Variants in PPP1R1C observed in about 807,000 individuals in gnomAD.
PPP1R1C encodes protein phosphatase 1 regulatory subunit 1C.
PPP1R1C carries 15 observed loss-of-function variants against 17.4 expected under a neutral mutation model. The ratio of observed to expected loss-of-function variants is 0.86; its 90% CI spans 0.58 to 1.33. The LOEUF (loss-of-function observed/expected upper bound fraction) is 1.33. PPP1R1C is among the 40% of genes most tolerant of loss of function. The pLI is 0.00. For synonymous variants in PPP1R1C, 35 were observed against 43.1 expected, an observed-to-expected ratio of 0.81 and a Z score of 0.73; for missense variants, 143 against 130.0, an observed-to-expected ratio of 1.10 and a Z score of -0.48.
chr2:182,021,860 C>A (rs1033351583), intron 2 of PPP1R1C, among the ~76,000 whole-genome samples: 1 of 152,114 alleles, frequency 6.6e-6, no homozygotes, highest in Non-Finnish European at 1.5e-5. Context: ...AAGAAATGAA[C>A]GAACACTTTA....
intron 2 of PPP1R1C, among the ~76,000 whole-genome samples, chr2:182,030,213 C>T (rs1156657267): frequency 2.0e-5 from 3 of 152,114 alleles, no homozygotes; most frequent in Non-Finnish European, 4.4e-5. Flanking sequence ...TCTCTCAGCT[C>T]GTCAAAGTCA....
At chr2:182,107,552 T>C (rs907819767) in intron 4 of PPP1R1C, among the ~76,000 whole-genome samples, 2 of 152,200 alleles carry the variant, frequency 1.3e-5, no homozygotes, top group African/African-American at 4.8e-5. Flanking sequence ...AGACCTAGTG[T>C]TGGCCTACTC....
intron 4 of PPP1R1C, among the ~76,000 whole-genome samples, chr2:182,108,802 C>A (rs1035098705): frequency 3.3e-5 from 5 of 152,138 alleles, no homozygotes; most frequent in African/African-American, 1.2e-4. Flanking sequence ...CAAGGTTTTG[C>A]AGTTATTAAT....
At chr2:182,096,380 G>C (rs1312331903) in intron 4 of PPP1R1C, among the ~76,000 whole-genome samples, 1 of 152,126 alleles carries the variant, frequency 6.6e-6, no homozygotes, top group African/African-American at 2.4e-5. Context: ...AAGACAGAGT[G>C]ACCTTGCTTC....
At chr2:182,115,842 G>T (rs16822619) in intron 4 of PPP1R1C, among the ~76,000 whole-genome samples, 2 of 152,094 alleles carry the variant, frequency 1.3e-5, no homozygotes, top group African/African-American at 4.8e-5. Context: ...CATTTCTTGA[G>T]ACTCTTTGTT....
chr2:182,046,564 C>CA (rs146696724), intron 2 of PPP1R1C, among the ~76,000 whole-genome samples: 3,422 of 119,060 alleles, frequency 0.029, 54 homozygotes, highest in South Asian at 0.094. Flanking sequence ...CGTCTCTACT[C>CA]AAAAAAAAAA....
intron 4 of PPP1R1C, among the ~76,000 whole-genome samples, chr2:182,098,987 A>G (rs1392200232): frequency 2.0e-5 from 3 of 152,182 alleles, no homozygotes; most frequent in Non-Finnish European, 2.9e-5. Context: ...AATATTGTTA[A>G]AATGTTTACT....
intron 4 of PPP1R1C, among the ~76,000 whole-genome samples, chr2:182,087,258 C>G (rs1301495130): frequency 6.6e-6 from 1 of 152,206 alleles, no homozygotes; most frequent in African/African-American, 2.4e-5. Context: ...CTCGTAATGC[C>G]TGCAAGGCCC....
intron 1 of PPP1R1C, among the ~76,000 whole-genome samples, chr2:181,971,935 C>A (rs1685015323): frequency 6.6e-6 from 1 of 152,170 alleles, no homozygotes. Flanking sequence ...ATGGCCACTG[C>A]TGGGGGATGG....
intron 2 of PPP1R1C, among the ~76,000 whole-genome samples, chr2:182,011,112 T>C (rs1192383966): frequency 1.3e-5 from 2 of 152,108 alleles, no homozygotes; most frequent in Non-Finnish European, 2.9e-5. Flanking sequence ...CTGGTTTTGG[T>C]ATCATGGTCC....
chr2:182,048,375 GGA>G (rs1218544325), intron 2 of PPP1R1C, among the ~76,000 whole-genome samples: 2 of 152,208 alleles, frequency 1.3e-5, no homozygotes, highest in African/African-American at 2.4e-5. Context: ...TTTGGAAAGG[GGA>G]GAGTTTGATA....
rs1242714698 is a variant in PPP1R1C, at chr2:182,054,858, A to G, written c.143-6584A>G. Among the ~76,000 whole-genome samples, 5 of 151,792 alleles carry G rather than the reference A, an allele frequency of 3.3e-5. No individual in the cohort carries two copies. In the South Asian group the frequency reaches 6.2e-4, roughly 19 times the overall value. On this transcript the variant is annotated intron_variant, in intron 2 of 4. Transcript: ENST00000682840. ...ATATTTTTAGTAGAGACAGGGTTTCACCATGTTGGCTAGGCTGGTCTCGAA... is the reference window on the plus strand; with the variant it reads ...ATATTTTTAGTAGAGACAGGGTTTCGCCATGTTGGCTAGGCTGGTCTCGAA...
At chr2:182,095,984 CA>C (rs1337771663) in intron 4 of PPP1R1C, among the ~76,000 whole-genome samples, 2 of 124,580 alleles carry the variant, frequency 1.6e-5, no homozygotes, top group African/African-American at 6.6e-5. Context: ...CAGACACACA[CA>C]AAAAAACTCT....
At chr2:182,043,342 A>G (rs1252873341) in intron 2 of PPP1R1C, among the ~76,000 whole-genome samples, 6 of 152,200 alleles carry the variant, frequency 3.9e-5, no homozygotes, top group African/African-American at 1.2e-4. Flanking sequence ...GGTCTGAAAT[A>G]TGGTTATTAT....
intron 5 of PPP1R1C, among the ~76,000 whole-genome samples, chr2:182,124,854 G>A (rs1010998716): frequency 6.6e-6 from 1 of 152,106 alleles, no homozygotes; most frequent in African/African-American, 2.4e-5. Flanking sequence ...GAGATAATTT[G>A]ACTTCCCCTC....
chr2:181,982,796 T>C (rs1442131957), upstream of PPP1R1C, among the ~76,000 whole-genome samples: 1 of 152,168 alleles, frequency 6.6e-6, no homozygotes, highest in Non-Finnish European at 1.5e-5. Flanking sequence ...GATATTATAG[T>C]GTAAAATCAG....
In PPP1R1C at chr2:181,976,228, G is replaced by A. The variant is rs575778757; in HGVS notation, n.157+964G>A. 6.6e-6 allele frequency among the ~76,000 whole-genome samples: 1 copy of A among 151,948 alleles called. No individual in the cohort carries two copies. The highest frequency in any genetic ancestry group is 2.1e-4 in the South Asian group (1 of 4,800). ...GTAAGCGTGTATGTATATGTCAGTA[G>A]GTGTTTAATGCATGAGTACATGCAT... On this transcript the variant is annotated intron_variant and non_coding_transcript_variant, in intron 2 of 5. Transcript: ENST00000464264. This position sits in a 1 kb window ranked among gnomAD's most constrained non-coding sequence, Gnocchi z 4.8.
Position 181,958,392 on chromosome 2 carries a change from C to G in PPP1R1C, n.111+3758C>G, listed in dbSNP as rs541568634. Among the ~76,000 whole-genome samples, 12 of 152,298 alleles carry G rather than the reference C, an allele frequency of 7.9e-5. 1 individual carries two copies. Among genetic ancestry groups the G allele is most frequent in the Middle Eastern group, 3.4e-3 (1 of 294 alleles). On this transcript the variant is annotated intron_variant and non_coding_transcript_variant, in intron 1 of 5. Coordinates refer to the PPP1R1C transcript ENST00000464264. ...GCTGCAGTAAACCAAGGACAGTCCC[C>G]TTGGTTTTGAGACTGTGAGCTGTTA... is the stretch of plus-strand genomic sequence containing the variant.
chr2:182,089,734 A>G (rs1012177059), intron 4 of PPP1R1C, among the ~76,000 whole-genome samples: 4 of 152,146 alleles, frequency 2.6e-5, no homozygotes, highest in African/African-American at 9.6e-5. Flanking sequence ...CACAATAATC[A>G]TCACTACACT....
Sources: allele counts gnomAD v4.1 joint callset (sites outside exome capture counted in the v4.1 genomes callset), GRCh38; gene constraint gnomAD v4.1.1; non-coding constraint Gnocchi (gnomAD v3.1); transcripts MANE v1.5; gene names NCBI Gene and HGNC (gene_info 2026-07-23, HGNC 2026-07-21).